Variants in FER1L6 observed in about 807,000 individuals in gnomAD.
FER1L6 encodes fer-1 like family member 6.
Under a neutral mutation model 219.2 loss-of-function variants are expected in FER1L6, and 177 were observed. The observed-to-expected ratio is 0.81, with a 90% confidence interval of 0.71 to 0.91. The LOEUF is 0.91. Ranked by LOEUF, FER1L6 falls within the 40% of genes least tolerant of loss-of-function variation. FER1L6 has a pLI of 0.00. For synonymous variants in FER1L6, 768 were observed against 824.3 expected, an observed-to-expected ratio of 0.93 and a Z score of 1.17; for missense variants, 2,153 against 2,259.9, an observed-to-expected ratio of 0.95 and a Z score of 0.96.
chr8:123,974,678 A>T (rs964091121), intron 7 of FER1L6, among the ~76,000 whole-genome samples: 1 of 148,808 alleles, frequency 6.7e-6, no homozygotes, highest in Non-Finnish European at 1.5e-5. Flanking sequence ...AAAAAAAAAA[A>T]AAAAGAAATG....
At position 124,097,795 on chromosome 8, in the gene FER1L6, A is replaced by G; in HGVS notation, c.4795A>G (p.Arg1599Gly). 6.3e-7 allele frequency: 1 copy of G among 1,585,422 alleles called. No individual in the cohort carries two copies. The highest frequency in any genetic ancestry group is 8.7e-7 in the Non-Finnish European group (1 of 1,153,698). Residue 1599 changes from arginine (R) to glycine (G), a missense_variant, in exon 37 of 41, where the codon AGA (arginine) becomes GGA (glycine). By Grantham distance (125) the Arg-to-Gly change is moderately radical. Transcript: ENST00000522917. The part of the protein sequence containing the change: ...SPRRPKGYEL[R>G]VTIWNTEDVI... The stretch of plus-strand genomic sequence containing the variant: ...CTTCTCCCATCCCAGATACGAATTG[A>G]GAGTGACCATCTGGAACACTGAAGA...
Position 123,980,696 on chromosome 8 carries a change from A to G in FER1L6, c.1295A>G (p.Lys432Arg), listed in dbSNP as rs780988475. The stretch of plus-strand genomic sequence containing the variant: ...TTGCCTTCCAAGGACAAAGACTCCA[A>G]ATCTTCCAAAGGTAAAGACAAGGCT... ...LKLPSKDKDS[K>R]SSKGKDKADK... The change falls in exon 11 of 41, where the codon AAA becomes AGA. Residue 432 changes from lysine to arginine, a missense_variant. Physicochemically the swap from Lys to Arg is conservative, Grantham distance 26. Coordinates refer to ENST00000522917, the MANE Select transcript of FER1L6 (RefSeq NM_001039112.2). 8.1e-6 allele frequency: 13 copies of G among 1,614,034 alleles called. No homozygotes were observed. The highest frequency in any genetic ancestry group is 1.1e-5 in the Non-Finnish European group (13 of 1,180,012).
At chr8:123,977,285 C>A in intron 9 of FER1L6, 132 bp from the exon 10 acceptor site, 1 of 846,470 alleles carries the variant, frequency 1.2e-6, no homozygotes, top group Non-Finnish European at 1.9e-6. Context: ...CTGAGTGTAA[C>A]TGATTTTCGT....
intron 16 of FER1L6, among the ~76,000 whole-genome samples, chr8:124,020,267 C>T (rs2130623743): frequency 6.6e-6 from 1 of 152,272 alleles, no homozygotes; most frequent in Middle Eastern, 3.4e-3. Context: ...TCCATTAAAC[C>T]TCTTTCCTTT....
rs1441018878 is a variant in FER1L6, at chr8:124,061,841, T to C, written c.3148-11T>C. On this transcript the variant is annotated splice_polypyrimidine_tract_variant and intron_variant, in intron 24 of 40. Coordinates refer to ENST00000522917, the MANE Select transcript of FER1L6 (RefSeq NM_001039112.2). ...ACCAGGCCCCTTCTTCATCTCATCCTCTCTCTGCAGGAACTGCCTGAGAAC... is the reference window on the plus strand; with the variant it reads ...ACCAGGCCCCTTCTTCATCTCATCCCCTCTCTGCAGGAACTGCCTGAGAAC... 1.9e-6 allele frequency: 3 copies of C among 1,612,392 alleles called. No homozygotes were observed. The highest frequency in any genetic ancestry group is 2.5e-6 in the Non-Finnish European group (3 of 1,179,824).
chr8:124,023,864 C>T (rs1282778386), intron 18 of FER1L6, among the ~76,000 whole-genome samples: 1 of 150,488 alleles, frequency 6.6e-6, no homozygotes, highest in Non-Finnish European at 1.5e-5. Flanking sequence ...ATTTTTACCT[C>T]TTTGATTACT....
chr8:124,098,120 A>C (rs1364738027), intron 37 of FER1L6, among the ~76,000 whole-genome samples: 4 of 152,240 alleles, frequency 2.6e-5, no homozygotes, highest in Non-Finnish European at 5.9e-5. Flanking sequence ...TCTTTCAGTT[A>C]AACGTTGGAT....
chr8:124,024,037 C>T (rs978569749), intron 18 of FER1L6, among the ~76,000 whole-genome samples: 7 of 151,852 alleles, frequency 4.6e-5, no homozygotes, highest in Admixed American at 2.0e-4. Context: ...GCTGGGATTA[C>T]AGATGCCCAC....
At chr8:123,862,307 C>A (rs1586425899) in intron 1 of FER1L6, among the ~76,000 whole-genome samples, 1 of 109,996 alleles carries the variant, frequency 9.1e-6, no homozygotes, top group African/African-American at 4.1e-5. Flanking sequence ...AGTGAACCAG[C>A]CTTGCATCCC....
chr8:123,899,762 C>G (rs11775131), intron 1 of FER1L6, among the ~76,000 whole-genome samples: 47,668 of 151,982 alleles, frequency 0.31, 8,222 homozygotes, highest in Middle Eastern at 0.41. Flanking sequence ...AAAAAGTGTC[C>G]TTTCTCCACT....
At chr8:123,886,442 A>G (rs970232496) in intron 1 of FER1L6, among the ~76,000 whole-genome samples, 1 of 152,172 alleles carries the variant, frequency 6.6e-6, no homozygotes, top group Non-Finnish European at 1.5e-5. Context: ...TTGGCTCCTC[A>G]CATGCATCAG....
At chr8:123,992,662 T>C (rs1038610297) in intron 12 of FER1L6, among the ~76,000 whole-genome samples, 1 of 152,210 alleles carries the variant, frequency 6.6e-6, no homozygotes, top group Non-Finnish European at 1.5e-5. Flanking sequence ...GAAACAATTT[T>C]TTGTTTCATT....
intron 1 of FER1L6, among the ~76,000 whole-genome samples, chr8:123,952,968 A>G (rs1814837690): frequency 6.6e-6 from 1 of 152,184 alleles, no homozygotes; most frequent in African/African-American, 2.4e-5. Flanking sequence ...GGGAAGAAAT[A>G]TGCATCTGAG....
At chr8:124,021,208 C>A (rs1175742793) in intron 16 of FER1L6, among the ~76,000 whole-genome samples, 1 of 152,116 alleles carries the variant, frequency 6.6e-6, no homozygotes. Flanking sequence ...ATGTGGGGAT[C>A]ATGGGAATTA....
chr8:124,010,485 A>G (rs1563741405), intron 13 of FER1L6, 109 bp from the exon 14 acceptor site: 8 of 1,339,840 alleles, frequency 6.0e-6, no homozygotes, highest in African/African-American at 4.4e-5. Flanking sequence ...TAGTTTTTTC[A>G]TCATGCCTCC....
intron 1 of FER1L6, among the ~76,000 whole-genome samples, chr8:123,901,286 G>A (rs1812850820): frequency 6.6e-6 from 1 of 152,158 alleles, no homozygotes; most frequent in Non-Finnish European, 1.5e-5. Context: ...TCTAGTTTAT[G>A]TGTGTAAAGT....
chr8:124,090,907 G>A (rs776565728), intron 33 of FER1L6, among the ~76,000 whole-genome samples: 3 of 152,206 alleles, frequency 2.0e-5, no homozygotes, highest in African/African-American at 4.8e-5. Context: ...AGCAGCAGCC[G>A]AGTGGCTGTT....
intron 39 of FER1L6, among the ~76,000 whole-genome samples, chr8:124,116,339 G>C (rs71516727): frequency 0.01 from 1,428 of 137,034 alleles, 14 homozygotes; most frequent in Non-Finnish European, 0.016. Flanking sequence ...TATAAAGTGC[G>C]ATAGCCAAAA....
chr8:124,089,761 T>C (rs145470084), intron 33 of FER1L6, among the ~76,000 whole-genome samples: 221 of 152,330 alleles, frequency 1.5e-3, no homozygotes, highest in Middle Eastern at 6.8e-3. Context: ...TAGTATTTCA[T>C]TTTCAATATG....
Sources: gnomAD v4.1 joint callset for allele counts (sites outside exome capture counted in the v4.1 genomes callset) on GRCh38, gnomAD v4.1.1 for gene constraint, MANE v1.5 for transcripts, NCBI Gene and HGNC (gene_info 2026-07-23, HGNC 2026-07-21) for gene names.